The following RGS13 variants were observed in gnomAD, a reference collection of about 807,000 sequenced individuals.
RGS13 encodes the protein regulator of G protein signaling 13.
A neutral mutation model predicts 19.9 loss-of-function variants in RGS13; 14 were observed. That is an observed-to-expected ratio of 0.70 (90% confidence interval 0.46 to 1.10). The LOEUF (loss-of-function observed/expected upper bound fraction) is 1.10. RGS13 is among the 50% of genes least tolerant of loss of function. The probability of loss-of-function intolerance (pLI) is 0.00; values close to 1 mark genes in which losing one functional copy is unlikely to be tolerated. For synonymous variants in RGS13, 60 were observed against 56.8 expected, an observed-to-expected ratio of 1.06 and a Z score of -0.25; for missense variants, 205 against 187.1, an observed-to-expected ratio of 1.10 and a Z score of -0.56.
intron 4 of RGS13, chr1:192,646,585 A>G (rs1663224071): frequency 2.0e-5 from 3 of 152,120 alleles, no homozygotes; most frequent in African/African-American, 7.2e-5. Flanking sequence ...TGCACAGATC[A>G]TCCTATCACC....
intron 5 of RGS13, among the ~76,000 whole-genome samples, chr1:192,657,003 T>C (rs1402687353): frequency 6.6e-6 from 1 of 152,088 alleles, no homozygotes; most frequent in African/African-American, 2.4e-5. Context: ...TAATAGTAAA[T>C]GATATTGACC....
intron 3 of RGS13, among the ~76,000 whole-genome samples, chr1:192,642,726 G>A (rs892090488): frequency 2.6e-5 from 4 of 152,072 alleles, no homozygotes; most frequent in African/African-American, 9.7e-5. Context: ...ATATCCTGCT[G>A]GTTCCAGCTC....
In RGS13 at chr1:192,658,248, G is replaced by T; in HGVS notation, c.175G>T (p.Glu59Ter). 1 of 1,613,232 alleles carries T rather than the reference G, an allele frequency of 6.2e-7. No individual in the cohort carries two copies. Among genetic ancestry groups the T allele is most frequent in the Non-Finnish European group, 8.5e-7 (1 of 1,179,492 alleles). ...ATATTTAAAAATGGAGCACAGTGAC[G>T]AGAATATTCAATTCTGGATGGCATG... The part of the protein sequence containing the change: ...AAYLKMEHSD[E>*]NIQFWMACET... Residue 59 changes from glutamate to a stop codon, truncating the protein, a stop_gained, in exon 6 of 7, where the codon GAG (glutamate) becomes TAG (stop). Transcript: ENST00000391995. LOFTEE classifies it high-confidence loss of function.
At chr1:192,657,211 T>C (rs887658828) in intron 5 of RGS13, among the ~76,000 whole-genome samples, 2 of 152,132 alleles carry the variant, frequency 1.3e-5, no homozygotes, top group Non-Finnish European at 2.9e-5. Flanking sequence ...CAAACATTTC[T>C]TTTAACATCA....
chr1:192,660,146 GCAT>G lies in RGS13; in HGVS notation c.*625_*627del, dbSNP rs1367135523. 6.6e-6 allele frequency: 1 copy of G among 151,902 alleles called. No individual in the cohort carries two copies. Among genetic ancestry groups the G allele is most frequent in the Admixed American group, 6.6e-5 (1 of 15,262 alleles). The allele number at this position is 151,902 out of a possible 1,614,324, so 9.4% of individuals were successfully genotyped here. A position where few individuals can be genotyped will look rare whatever the true frequency, so the allele number is the denominator to read the frequency against. ...TATATGAATTTCTTCATTTGCTCTT[GCAT>G]CTACATTGCTATAAGGATATAAAAT... On this transcript the variant is annotated 3_prime_UTR_variant, in exon 7 of 7. Transcript: ENST00000391995.
chr1:192,659,384 A>G lies in RGS13; in HGVS notation c.341A>G (p.Gln114Arg). The change falls in exon 7 of 7, where the codon CAG becomes CGG. Residue 114 changes from glutamine (Q) to arginine (R), a missense_variant. Gln to Arg is a conservative substitution (Grantham distance 43). Transcript: ENST00000391995. ...AGAGAGACTATCATCAGGAACATTC[A>G]GGAACCCACTGAAACATGTTTTGAA... ...STRETIIRNI[Q>R]EPTETCFEEA... 6.2e-7 allele frequency: 1 copy of G among 1,613,080 alleles called. No individual in the cohort carries two copies. Among genetic ancestry groups the G allele is most frequent in the Non-Finnish European group, 8.5e-7 (1 of 1,179,380 alleles).
intron 1 of RGS13, among the ~76,000 whole-genome samples, chr1:192,636,958 A>C (rs1312928604): frequency 1.4e-5 from 2 of 142,380 alleles, no homozygotes; most frequent in African/African-American, 5.5e-5. Context: ...TAAAATAAAG[A>C]AACATATTTA....
In RGS13 at chr1:192,658,239, C is replaced by A. The variant is rs779965280; in HGVS notation, c.166C>A (p.His56Asn). 4 of 1,612,978 alleles carry A rather than the reference C, an allele frequency of 2.5e-6. No individual in the cohort carries two copies. In the East Asian group the frequency reaches 8.9e-5, roughly 36 times the overall value. ...CTATGCAGCATATTTAAAAATGGAG[C>A]ACAGTGACGAGAATATTCAATTCTG... is the stretch of plus-strand genomic sequence containing the variant. ...VVYAAYLKMEHSDENIQFWMA... is the reference protein window; with the variant it reads ...VVYAAYLKMENSDENIQFWMA... Residue 56 changes from histidine (H) to asparagine (N), a missense_variant, in exon 6 of 7, where the codon CAC (histidine) becomes AAC (asparagine). By Grantham distance (68) the His-to-Asn change is moderately conservative (BLOSUM62 1). Transcript: ENST00000391995.
chr1:192,655,641 C>T (rs1156675080), intron 5 of RGS13, among the ~76,000 whole-genome samples: 3 of 152,024 alleles, frequency 2.0e-5, no homozygotes, highest in Non-Finnish European at 4.4e-5. Flanking sequence ...GTATAATCCC[C>T]CTACACAAAG....
chr1:192,654,100 A>AT (rs1271270652), intron 5 of RGS13, among the ~76,000 whole-genome samples: 5 of 151,876 alleles, frequency 3.3e-5, no homozygotes, highest in African/African-American at 1.2e-4. Context: ...TTAAAGTATA[A>AT]TAAAAAATAT....
At chr1:192,657,392 C>A (rs1276376574) in intron 5 of RGS13, among the ~76,000 whole-genome samples, 1 of 152,110 alleles carries the variant, frequency 6.6e-6, no homozygotes, top group Non-Finnish European at 1.5e-5. Flanking sequence ...CTCACCTAAT[C>A]CTCTTTTTCA....
At chr1:192,656,343 CTGTT>C (rs1663437964) in intron 5 of RGS13, among the ~76,000 whole-genome samples, 1 of 149,548 alleles carries the variant, frequency 6.7e-6, no homozygotes, top group Non-Finnish European at 1.5e-5. Context: ...GCTTAACATT[CTGTT>C]TTTTTTTTTT....
intron 3 of RGS13, among the ~76,000 whole-genome samples, chr1:192,642,396 A>T (rs1663140578): frequency 6.7e-6 from 1 of 148,974 alleles, no homozygotes; most frequent in Admixed American, 6.8e-5. Context: ...ATCACGGCAC[A>T]CTGCAGCCTC....
chr1:192,658,824 T>C (rs1257819092), intron 6 of RGS13: 1 of 161,612 alleles, frequency 6.2e-6, no homozygotes, highest in Non-Finnish European at 1.3e-5. Context: ...AAGCCTACAT[T>C]GTGGACATAT....
At chr1:192,658,464 A>C (rs1663488540) in intron 6 of RGS13, 97 bp downstream of exon 6, 4 of 1,101,546 alleles carry the variant, frequency 3.6e-6, no homozygotes, top group East Asian at 2.5e-5. Flanking sequence ...CTTTACATCC[A>C]GTATCTCCTA....
intron 3 of RGS13, among the ~76,000 whole-genome samples, chr1:192,638,848 T>C (rs1269505844): frequency 6.6e-6 from 1 of 152,194 alleles, no homozygotes; most frequent in Middle Eastern, 3.2e-3. Flanking sequence ...TTGTATTCCA[T>C]AATTTAATAA....
intron 5 of RGS13, among the ~76,000 whole-genome samples, chr1:192,654,124 A>T (rs544021220): frequency 9.9e-5 from 15 of 151,656 alleles, no homozygotes; most frequent in Non-Finnish European, 1.5e-4. Flanking sequence ...TTATATATAT[A>T]TTTTTGCTAT....
chr1:192,646,300 G>A (rs1187123646), intron 4 of RGS13: 1 of 152,084 alleles, frequency 6.6e-6, no homozygotes. Context: ...CCTTCATTGT[G>A]TTAAGAACCT....
chr1:192,645,889 C>T (rs2102032315), intron 4 of RGS13: 1 of 152,146 alleles, frequency 6.6e-6, no homozygotes, highest in Non-Finnish European at 1.5e-5. Flanking sequence ...CAACAATCAT[C>T]GACACTTAAT....
Sources: gnomAD v4.1 joint callset for allele counts (sites outside exome capture counted in the v4.1 genomes callset) on GRCh38, gnomAD v4.1.1 for gene constraint, MANE v1.5 for transcripts, NCBI Gene and HGNC (gene_info 2026-07-23, HGNC 2026-07-21) for gene names.